SLAIN2: variants seen among roughly 807,000 people sequenced by gnomAD.
SLAIN2 encodes the protein SLAIN family member 2.
SLAIN2 carries 31 observed loss-of-function variants against 56.6 expected under a neutral mutation model. The ratio of observed to expected loss-of-function variants is 0.55; its 90% CI spans 0.41 to 0.74. The LOEUF is 0.74. Ranked by LOEUF, SLAIN2 falls within the 30% of genes least tolerant of loss-of-function variation. SLAIN2 has a pLI of 0.00. For synonymous variants in SLAIN2, 317 were observed against 284.9 expected, an observed-to-expected ratio of 1.11 and a Z score of -1.13; for missense variants, 777 against 754.2, an observed-to-expected ratio of 1.03 and a Z score of -0.35.
At chr4:48,381,180 G>T (rs1715961929) in intron 4 of SLAIN2, among the ~76,000 whole-genome samples, 1 of 152,094 alleles carries the variant, frequency 6.6e-6, no homozygotes, top group African/African-American at 2.4e-5. Flanking sequence ...CTAGTATTTT[G>T]TTAGAAGCTC....
Position 48,418,555 on chromosome 4 carries a change from TA to T in SLAIN2, c.1361-1569del, listed in dbSNP as rs533930612. On this transcript the variant is annotated intron_variant, in intron 6 of 7. Coordinates refer to ENST00000264313, the MANE Select transcript of SLAIN2 (RefSeq NM_020846.2). ...TATATTGCTGGATTCTATTTTCTAA[TA>T]TTTTTTTAAGGATTTTTACATCTAT... Among the ~76,000 whole-genome samples the T allele has an allele frequency of 1.8e-3, 269 of 152,312 alleles. 2 individuals are homozygous for T. The highest frequency in any genetic ancestry group is 5.7e-3 in the African/African-American group (239 of 41,574).
intron 1 of SLAIN2, among the ~76,000 whole-genome samples, chr4:48,357,943 C>T (rs1169312769): frequency 7.9e-5 from 12 of 152,226 alleles, no homozygotes; most frequent in Non-Finnish European, 1.5e-4. Flanking sequence ...AAGTGACCCT[C>T]CCACCTCAGC....
rs1714701865 is a variant in SLAIN2 at position 48,341,664 on chromosome 4, C to A, written c.-76C>A. The A allele has an allele frequency of 2.7e-6, 4 of 1,487,396 alleles. No homozygotes were observed. The highest frequency in any genetic ancestry group is 2.7e-6 in the Non-Finnish European group (3 of 1,118,580). 92.1% of individuals were successfully genotyped at this position (1,487,396 alleles called of 1,614,324 possible). On this transcript the variant is annotated 5_prime_UTR_variant, in exon 1 of 8. Transcript: ENST00000264313. ...TCGGCTAGAGTGAGCGGCGGCGACG[C>A]CTCTTTCCTCCGTCTCTTTCCCTGT... is the stretch of plus-strand genomic sequence containing the variant.
chr4:48,354,186 A>G (rs1715091090), intron 1 of SLAIN2, among the ~76,000 whole-genome samples: 1 of 152,226 alleles, frequency 6.6e-6, no homozygotes, highest in Admixed American at 6.5e-5. Flanking sequence ...AGGAACAAGT[A>G]TTTAGTTGTA....
chr4:48,359,272 TCA>T (rs1345545725), intron 1 of SLAIN2, among the ~76,000 whole-genome samples: 2 of 152,202 alleles, frequency 1.3e-5, no homozygotes, highest in African/African-American at 2.4e-5. Flanking sequence ...TGTACCTTAC[TCA>T]GTGAATAGGT....
chr4:48,354,477 T>G (rs370446655), intron 1 of SLAIN2, among the ~76,000 whole-genome samples: 2 of 133,188 alleles, frequency 1.5e-5, no homozygotes, highest in African/African-American at 5.3e-5. Flanking sequence ...TTTTTTTTTT[T>G]CCCCCCTCAG....
chr4:48,402,446 T>C (rs974762991), intron 6 of SLAIN2, among the ~76,000 whole-genome samples: 3 of 152,292 alleles, frequency 2.0e-5, no homozygotes, highest in African/African-American at 7.2e-5. Flanking sequence ...TTTTACATAA[T>C]CCCACATTTG....
At position 48,341,638 on chromosome 4, in the gene SLAIN2, C is replaced by T; in HGVS notation, c.-102C>T. On this transcript the variant is annotated 5_prime_UTR_variant, in exon 1 of 8. Transcript: ENST00000264313. ...GCCTGGTCCTGCTATATGCCGGCGC[C>T]TCGGCTAGAGTGAGCGGCGGCGACG... 6.9e-7 allele frequency: 1 copy of T among 1,445,156 alleles called. No homozygotes were observed. The highest frequency in any genetic ancestry group is 9.1e-7 in the Non-Finnish European group (1 of 1,099,416). 89.5% of individuals were successfully genotyped at this position (1,445,156 alleles called of 1,614,324 possible). A position where few individuals can be genotyped will look rare whatever the true frequency, so the allele number is the denominator to read the frequency against.
chr4:48,391,589 T>C (rs1716237154), intron 6 of SLAIN2, among the ~76,000 whole-genome samples: 1 of 152,176 alleles, frequency 6.6e-6, no homozygotes, highest in Non-Finnish European at 1.5e-5. Flanking sequence ...ACTTATTGCC[T>C]ACTCTTGGGG....
intron 6 of SLAIN2, among the ~76,000 whole-genome samples, chr4:48,407,710 T>G (rs868177755): frequency 6.6e-6 from 1 of 152,216 alleles, no homozygotes; most frequent in Admixed American, 6.5e-5. Flanking sequence ...CTCACTCCAC[T>G]TTCAAAATTA....
intron 1 of SLAIN2, among the ~76,000 whole-genome samples, chr4:48,365,117 T>C (rs1294246391): frequency 1.3e-5 from 2 of 152,116 alleles, no homozygotes; most frequent in African/African-American, 4.8e-5. Context: ...TTTTGGTAAG[T>C]TATATTTTCT....
At chr4:48,353,738 G>A (rs1715079856) in intron 1 of SLAIN2, among the ~76,000 whole-genome samples, 5 of 152,282 alleles carry the variant, frequency 3.3e-5, no homozygotes, top group African/African-American at 1.2e-4. Context: ...CAGAGTATAA[G>A]TGGTAGAGTG....
Position 48,369,899 on chromosome 4 carries a change from G to T in SLAIN2, c.440G>T (p.Ser147Ile). Residue 147 changes from serine (S) to isoleucine (I), a missense_variant, in exon 2 of 8, where the codon AGT becomes ATT. Transcript: ENST00000264313. ...KKLTPMQKSV[S>I]PLVWCRQVLD... ...CTTACACCAATGCAGAAATCGGTTA[G>T]TCCATTAGTTTGGTGCAGGCAAGTT... The T allele has an allele frequency of 6.2e-7, 1 of 1,613,704 alleles. No individual in the cohort carries two copies. The highest frequency in any genetic ancestry group is 8.5e-7 in the Non-Finnish European group (1 of 1,179,716).
At chr4:48,375,108 T>A (rs1425027970) in intron 2 of SLAIN2, among the ~76,000 whole-genome samples, 1 of 152,102 alleles carries the variant, frequency 6.6e-6, no homozygotes, top group African/African-American at 2.4e-5. Flanking sequence ...AGAAAGAATA[T>A]GGCATAGACT....
intron 6 of SLAIN2, among the ~76,000 whole-genome samples, chr4:48,395,742 G>T (rs184925898): frequency 1.3e-5 from 2 of 151,182 alleles, no homozygotes; most frequent in Admixed American, 6.6e-5. Context: ...TGTTTGATGG[G>T]AAAGGAGGTG....
rs868428506 is a variant in SLAIN2 at position 48,362,766 on chromosome 4, T to A, written c.390-7083T>A. On this transcript the variant is annotated intron_variant, in intron 1 of 7. Coordinates refer to ENST00000264313, the MANE Select transcript of SLAIN2 (RefSeq NM_020846.2). The stretch of plus-strand genomic sequence containing the variant: ...TTTTTTATTCTTTTTTTTTTTTTTT[T>A]AAATTTATTTTTTTATTGATAATTC... Among the ~76,000 whole-genome samples the A allele has an allele frequency of 6.4e-3, 785 of 123,604 alleles. 7 individuals are homozygous for A. The highest frequency in any genetic ancestry group is 9.7e-3 in the African/African-American group (327 of 33,700). The allele number at this position is 123,604 out of a possible 152,430, so 81.1% of individuals were successfully genotyped here.
At chr4:48,386,986 A>G (rs1472634895) in intron 6 of SLAIN2, among the ~76,000 whole-genome samples, 2 of 152,224 alleles carry the variant, frequency 1.3e-5, no homozygotes, top group Admixed American at 6.5e-5. Flanking sequence ...CAATGTTTGT[A>G]CTTGGCTTTC....
intron 3 of SLAIN2, among the ~76,000 whole-genome samples, chr4:48,378,683 G>GTTGCAT (rs1179680893): frequency 6.6e-6 from 1 of 152,096 alleles, no homozygotes; most frequent in East Asian, 1.9e-4. Context: ...ATTTTGACCT[G>GTTGCAT]TGCACTCCCT....
chr4:48,384,285 T>C (rs1057319174), intron 6 of SLAIN2, among the ~76,000 whole-genome samples: 4 of 152,204 alleles, frequency 2.6e-5, no homozygotes, highest in Non-Finnish European at 5.9e-5. Context: ...TTGTTGAAGT[T>C]CTTTTCTTTC....
Sources: gnomAD v4.1 joint callset for allele counts (sites outside exome capture counted in the v4.1 genomes callset) on GRCh38, gnomAD v4.1.1 for gene constraint, MANE v1.5 for transcripts, NCBI Gene and HGNC (gene_info 2026-07-23, HGNC 2026-07-21) for gene names.